Variants in DDX54 observed in about 807,000 individuals in gnomAD.
The protein encoded by DDX54 is ATP-dependent RNA helicase DDX54.
In DDX54, 67 loss-of-function variants were observed where a neutral mutation model predicts 105.5. That is an observed-to-expected ratio of 0.64 (90% CI 0.52 to 0.78). The LOEUF (loss-of-function observed/expected upper bound fraction) is 0.78, where lower values mean the gene tolerates loss of function less well. Among genes scored for constraint, DDX54 ranks in the 30% least tolerant of loss-of-function variants. DDX54 has a pLI of 0.00. For synonymous variants in DDX54, 514 were observed against 509.9 expected, an observed-to-expected ratio of 1.01 and a Z score of -0.11; for missense variants, 1,206 against 1,230.5, an observed-to-expected ratio of 0.98 and a Z score of 0.30.
chr12:113,166,636 C>T (rs7298610), intron 12 of DDX54, among the ~76,000 whole-genome samples: 6,151 of 151,566 alleles, frequency 0.041, 296 homozygotes, highest in East Asian at 0.21. Context: ...TGGGAGCTCA[C>T]GGCTGCAGTG....
At chr12:113,160,410 A>AT (rs1249581529) in intron 19 of DDX54, among the ~76,000 whole-genome samples, 2 of 152,220 alleles carry the variant, frequency 1.3e-5, no homozygotes, top group Admixed American at 6.5e-5. Context: ...CATAGCCCTC[A>AT]TAAGGCACCT....
In DDX54 at chr12:113,157,823, G is replaced by A. The variant is rs1271914699; in HGVS notation, c.*1054C>T. On this transcript the variant is annotated 3_prime_UTR_variant, in exon 20 of 20. Transcript: ENST00000306014. Reference sequence around the variant, plus strand: ...AAGATGGGAGGGCTGTGCCTGTTCAGAGTGCTGTGGGCCTGCCATGAGGGG... The same window carrying A: ...AAGATGGGAGGGCTGTGCCTGTTCAAAGTGCTGTGGGCCTGCCATGAGGGG... 2.9e-6 allele frequency: 2 copies of A among 699,328 alleles called. No homozygotes were observed. Among genetic ancestry groups the A allele is most frequent in the Non-Finnish European group, 4.9e-6 (2 of 404,746 alleles). 43.3% of individuals were successfully genotyped at this position (699,328 alleles called of 1,614,324 possible).
chr12:113,162,955 C>T lies in DDX54; in HGVS notation c.2172G>A (p.Thr724=), dbSNP rs771092287. The T allele has an allele frequency of 5.5e-5, 88 of 1,605,658 alleles. No homozygotes were observed. Among genetic ancestry groups the T allele is most frequent in the Non-Finnish European group, 6.9e-5 (81 of 1,178,878 alleles). ...DLMGDEAQNL[T]RGRQQLKWDR... is the part of the protein sequence containing the mutation. ...ACCACTTGAGCTGCTGCCGGCCCCTCGTCAGGTTCTGGGCTTCATCCCCCA... is the reference window on the plus strand; with the variant it reads ...ACCACTTGAGCTGCTGCCGGCCCCTTGTCAGGTTCTGGGCTTCATCCCCCA... Residue 724 remains threonine (T), a synonymous_variant, in exon 17 of 20, where the codon ACG becomes ACA. Transcript: ENST00000306014.
Position 113,164,237 on chromosome 12 carries a change from T to C in DDX54, c.1768A>G (p.Met590Val). ...CGGTCCTTCTGCCGCTTGGCGCGCATCACCTGGCTGCACAGGTCTCGGCTG... is the reference window on the plus strand; with the variant it reads ...CGGTCCTTCTGCCGCTTGGCGCGCACCACCTGGCTGCACAGGTCTCGGCTG... ...ASSRDLCSQV[M>V]RAKRQKDRKA... The change falls in exon 15 of 20, where the codon ATG becomes GTG. Residue 590 changes from methionine to valine, a missense_variant. Around this residue, in one of 3 missense-constraint regions of DDX54, gnomAD observed 961 missense variants for 1,019.1 expected, o/e 0.94. Transcript: ENST00000306014. 2 of 1,596,282 alleles carry C rather than the reference T, an allele frequency of 1.3e-6. No individual in the cohort carries two copies. Among genetic ancestry groups the C allele is most frequent in the Non-Finnish European group, 1.7e-6 (2 of 1,172,500 alleles).
chr12:113,167,852 G>A (rs935356987), intron 12 of DDX54: 10 of 444,264 alleles, frequency 2.3e-5, no homozygotes, highest in African/African-American at 2.1e-5. Context: ...CCTGTACGGG[G>A]CTGCGTGCTG....
intron 12 of DDX54, chr12:113,167,857 G>A (rs980340111): frequency 1.3e-5 from 6 of 473,234 alleles, no homozygotes; most frequent in African/African-American, 6.0e-5. Context: ...ACGGGGCTGC[G>A]TGCTGCCTCT....
At chr12:113,184,096 G>C (rs1157665504) in intron 1 of DDX54, among the ~76,000 whole-genome samples, 1 of 152,060 alleles carries the variant, frequency 6.6e-6, no homozygotes, top group South Asian at 2.1e-4. Flanking sequence ...ACAGGCACAT[G>C]CCACCACACC....
chr12:113,174,712 GT>G lies in DDX54; in HGVS notation c.995del (p.His332ProfsTer27). ...TCTGGTCCTGGGGCCGCACCACGTT[GT>G]GCAGCAGGTGGAGCAGCACGGCAGC... The part of the protein sequence containing the change: ...TKAAVLLHLL[H>X]NVVRPQDQTV... On this transcript the variant is annotated frameshift_variant, in exon 10 of 20. Transcript: ENST00000306014. LOFTEE classifies it high-confidence loss of function. 6.2e-7 allele frequency: 1 copy of G among 1,609,356 alleles called. No individual in the cohort carries two copies. The highest frequency in any genetic ancestry group is 8.5e-7 in the Non-Finnish European group (1 of 1,175,974).
intron 1 of DDX54, among the ~76,000 whole-genome samples, chr12:113,182,575 T>C (rs1209059830): frequency 6.6e-6 from 1 of 152,104 alleles, no homozygotes; most frequent in Non-Finnish European, 1.5e-5. Context: ...TTTTTTTTTT[T>C]TTGAGACAGT....
Position 113,158,963 on chromosome 12 carries a change from T to G in DDX54, c.2560A>C (p.Asn854His). ...RGGLKQLSAR[N>H]RRRVQELQQG... is the part of the protein sequence containing the mutation. ...TGCAGCTCCTGGACGCGGCGGCGGT[T>G]GCGGGCAGAGAGCTGCTTGAGGCCA... The change falls in exon 20 of 20, where the codon AAC (asparagine) becomes CAC (histidine). Residue 854 changes from asparagine (N) to histidine (H), a missense_variant. Physicochemically the swap from Asn to His is moderately conservative, Grantham distance 68. This residue lies in a region of DDX54 where 961 missense variants were observed against 1,019.1 expected (regional missense o/e 0.94). Transcript: ENST00000306014. The surrounding 1 kb of genome is among the most constrained non-coding windows in gnomAD (Gnocchi z 4.9). The G allele has an allele frequency of 6.2e-7, 1 of 1,611,450 alleles. No homozygotes were observed. The highest frequency in any genetic ancestry group is 8.5e-7 in the Non-Finnish European group (1 of 1,179,058).
At chr12:113,168,169 C>T (rs1291024526) in intron 12 of DDX54, among the ~76,000 whole-genome samples, 1 of 152,258 alleles carries the variant, frequency 6.6e-6, no homozygotes, top group Non-Finnish European at 1.5e-5. Flanking sequence ...TGCTTTCCAG[C>T]CGCCTCCAGG....
In DDX54 at chr12:113,185,408, G is replaced by A; in HGVS notation, c.44C>T (p.Ala15Val). 1 of 1,538,626 alleles carries A rather than the reference G, an allele frequency of 6.5e-7. No individual in the cohort carries two copies. Among genetic ancestry groups the A allele is most frequent in the Non-Finnish European group, 8.7e-7 (1 of 1,145,090 alleles). Residue 15 changes from alanine (A) to valine (V), a missense_variant, in exon 1 of 20, where the codon GCT becomes GTT. Ala to Val is a moderately conservative substitution (Grantham distance 64, BLOSUM62 0). Coordinates refer to ENST00000306014, the MANE Select transcript of DDX54 (RefSeq NM_024072.4). ...KGPAAGPRSR[A>V]AMAQWRKKKG... ...CTTCTTCCTCCACTGGGCCATGGCAGCTCGCGACCGAGGTCCAGCCGCCGG... is the reference window on the plus strand; with the variant it reads ...CTTCTTCCTCCACTGGGCCATGGCAACTCGCGACCGAGGTCCAGCCGCCGG...
At chr12:113,179,515 G>A (rs1304357192) in intron 3 of DDX54, among the ~76,000 whole-genome samples, 184 bp from the exon 4 acceptor site, 8 of 152,224 alleles carry the variant, frequency 5.3e-5, no homozygotes, top group African/African-American at 1.7e-4. Context: ...CTCCAAGGAT[G>A]AGCGGCTCAC....
chr12:113,175,689 T>C (rs949587831), intron 7 of DDX54, among the ~76,000 whole-genome samples: 4 of 151,438 alleles, frequency 2.6e-5, no homozygotes, highest in Admixed American at 1.3e-4. Flanking sequence ...CTCGAGAGGC[T>C]GAGGCAAGAG....
At chr12:113,177,858 G>T (rs1257247174) in intron 5 of DDX54, among the ~76,000 whole-genome samples, 6 of 152,208 alleles carry the variant, frequency 3.9e-5, no homozygotes, top group Non-Finnish European at 8.8e-5. Context: ...TACCTAGGAA[G>T]GGTGGTAGAT....
chr12:113,170,870 T>A (rs1952329175), intron 11 of DDX54, among the ~76,000 whole-genome samples: 1 of 152,096 alleles, frequency 6.6e-6, no homozygotes, highest in Non-Finnish European at 1.5e-5. Context: ...ACATTCGTGA[T>A]GTATGGTGAT....
chr12:113,168,054 G>A, intron 12 of DDX54: 2 of 431,122 alleles, frequency 4.6e-6, no homozygotes, highest in South Asian at 3.3e-5. Flanking sequence ...GCCCGACTGA[G>A]GCCTCCACCT....
chr12:113,182,378 A>G (rs1952477389), intron 1 of DDX54, among the ~76,000 whole-genome samples: 1 of 152,208 alleles, frequency 6.6e-6, no homozygotes, highest in Admixed American at 6.5e-5. Flanking sequence ...TAGAAAAGAA[A>G]AAGAAATCCA....
intron 1 of DDX54, among the ~76,000 whole-genome samples, chr12:113,183,057 T>C (rs1952485300): frequency 6.6e-6 from 1 of 152,032 alleles, no homozygotes; most frequent in Non-Finnish European, 1.5e-5. Context: ...AGTCTCGCCA[T>C]GCATGTTGCC....
Sources: gnomAD v4.1 joint callset for allele counts (sites outside exome capture counted in the v4.1 genomes callset) on GRCh38, gnomAD v4.1.1 for gene constraint, gnomAD v4.1.1 regional missense constraint, Gnocchi (gnomAD v3.1) non-coding constraint, MANE v1.5 for transcripts, NCBI Gene and HGNC (gene_info 2026-07-23, HGNC 2026-07-21) for gene names.